Variants in SOX6 observed in about 807,000 individuals in gnomAD.
SOX6 encodes the protein transcription factor SOX-6.
In SOX6, 11 loss-of-function variants were observed where a neutral mutation model predicts 97.8. The ratio of observed to expected loss-of-function variants is 0.11; its 90% CI spans 0.07 to 0.19. The LOEUF (loss-of-function observed/expected upper bound fraction) is 0.19, where lower values mean the gene tolerates loss of function less well. Ranked by LOEUF, SOX6 falls within the 10% of genes least tolerant of loss-of-function variation. The pLI is 1.00. For missense variants in SOX6, 810 were observed against 1,039.5 expected (o/e 0.78, Z 3.04); for synonymous variants, 360 against 371.4 (o/e 0.97, Z 0.35).
At chr11:16,220,887 T>C (rs761422980) in intron 4 of SOX6, among the ~76,000 whole-genome samples, 6 of 152,074 alleles carry the variant, frequency 3.9e-5, no homozygotes, top group Non-Finnish European at 7.4e-5. Context: ...TCATGTTTAT[T>C]ATGTCACAGG....
At chr11:16,278,567 T>G (rs186349112) in intron 3 of SOX6, among the ~76,000 whole-genome samples, 2 of 152,118 alleles carry the variant, frequency 1.3e-5, no homozygotes, top group Admixed American at 6.6e-5. Context: ...ACTATTTCTC[T>G]TCCAAGTGAA....
rs1227800262 is a variant in SOX6, at chr11:16,111,903, C to T, written c.798G>A (p.Pro266=). ...QQIQVQGHMP[P]LMIPIFPHDQ... ...CATGTGGAAAAATTGGGATCATGAG[C>T]GGAGGCATGTGACCCTGAACCTGCT... is the stretch of plus-strand genomic sequence containing the variant. The change falls in exon 7 of 16, where the codon CCG becomes CCA. Residue 266 remains proline, a synonymous_variant. Transcript: ENST00000683767. 1.2e-6 allele frequency: 2 copies of T among 1,612,268 alleles called. No homozygotes were observed. The highest frequency in any genetic ancestry group is 2.2e-5 in the South Asian group (2 of 90,994).
chr11:16,132,444 A>AGAAAAAG (rs1554934020), intron 6 of SOX6, among the ~76,000 whole-genome samples: 3 of 27,242 alleles, frequency 1.1e-4, no homozygotes, highest in African/African-American at 5.1e-4. Flanking sequence ...AAAGAAAGAA[A>AGAAAAAG]AAAGAAAGAA....
intron 4 of SOX6, among the ~76,000 whole-genome samples, chr11:16,519,965 T>C (rs1402443008): frequency 6.6e-6 from 1 of 152,236 alleles, no homozygotes; most frequent in East Asian, 1.9e-4. Context: ...TTGAGCATTT[T>C]TTCATGTATT....
chr11:16,537,616 T>C (rs192958552), intron 4 of SOX6, among the ~76,000 whole-genome samples: 79 of 152,252 alleles, frequency 5.2e-4, no homozygotes, highest in Non-Finnish European at 6.5e-4. Flanking sequence ...ATAAACAGTG[T>C]AGAGAAGACT....
intron 3 of SOX6, chr11:16,270,184 A>G (rs1472830098): frequency 1.7e-4 from 26 of 151,452 alleles, no homozygotes; most frequent in Admixed American, 1.7e-3. Flanking sequence ...AAAGGACTTG[A>G]ACAGGCATTT....
chr11:16,133,852 C>T (rs538565492), intron 6 of SOX6, among the ~76,000 whole-genome samples: 356 of 152,204 alleles, frequency 2.3e-3, no homozygotes, highest in Non-Finnish European at 4.0e-3. Flanking sequence ...CCATGCCCAG[C>T]TAATTTTTGC....
At chr11:16,401,670 C>G (rs1407040409) in intron 1 of SOX6, among the ~76,000 whole-genome samples, 2 of 151,400 alleles carry the variant, frequency 1.3e-5, no homozygotes, top group Non-Finnish European at 3.0e-5. Context: ...AGTCATTAAG[C>G]TCTAAAGTTT....
At chr11:16,121,603 G>C (rs980380196) in intron 6 of SOX6, among the ~76,000 whole-genome samples, 13 of 151,868 alleles carry the variant, frequency 8.6e-5, no homozygotes, top group Non-Finnish European at 1.8e-4. Flanking sequence ...AGAAAGTTTT[G>C]CTTAAAAAGA....
At chr11:16,248,528 T>G (rs1384943291) in intron 3 of SOX6, among the ~76,000 whole-genome samples, 1 of 152,204 alleles carries the variant, frequency 6.6e-6, no homozygotes, top group African/African-American at 2.4e-5. Context: ...CTGTGCACCC[T>G]CAGATCCTAC....
chr11:16,079,281 G>C (rs552971956), intron 9 of SOX6, among the ~76,000 whole-genome samples: 1 of 152,122 alleles, frequency 6.6e-6, no homozygotes, highest in East Asian at 1.9e-4. Context: ...GTAATGACAA[G>C]AAAAAGGTCT....
chr11:16,235,474 T>G (rs1370464), intron 3 of SOX6, among the ~76,000 whole-genome samples: 27 of 151,944 alleles, frequency 1.8e-4, no homozygotes, highest in Non-Finnish European at 2.8e-4. Context: ...TTGCAACTGG[T>G]GCTACTGCTT....
intron 6 of SOX6, among the ~76,000 whole-genome samples, chr11:16,165,395 G>T (rs1589988810): frequency 6.6e-6 from 1 of 152,164 alleles, no homozygotes; most frequent in African/African-American, 2.4e-5. Context: ...AATGTTTAAA[G>T]AATTGAACTA....
chr11:16,126,327 T>C (rs1197411737), intron 6 of SOX6, among the ~76,000 whole-genome samples: 1 of 152,138 alleles, frequency 6.6e-6, no homozygotes, highest in African/African-American at 2.4e-5. Flanking sequence ...CCAGTTTTGA[T>C]TCTCTTTGAT....
intron 4 of SOX6, among the ~76,000 whole-genome samples, chr11:16,503,345 A>G (rs903017555): frequency 5.3e-5 from 8 of 152,182 alleles, no homozygotes; most frequent in Non-Finnish European, 5.9e-5. Flanking sequence ...GAAAATTACC[A>G]AACCACAATG....
intron 1 of SOX6, among the ~76,000 whole-genome samples, chr11:16,471,240 G>C (rs1324502569): frequency 6.6e-6 from 1 of 151,396 alleles, no homozygotes; most frequent in African/African-American, 2.4e-5. Flanking sequence ...TTTAGGAAAA[G>C]AAAAAAAGGA....
intron 1 of SOX6, among the ~76,000 whole-genome samples, chr11:16,372,890 C>A (rs1388384819): frequency 2.0e-5 from 3 of 152,022 alleles, no homozygotes; most frequent in Non-Finnish European, 2.9e-5. Context: ...TGAATCCCTG[C>A]CCATCACTAG....
At chr11:16,381,401 A>G (rs1857816529) in intron 1 of SOX6, among the ~76,000 whole-genome samples, 1 of 152,054 alleles carries the variant, frequency 6.6e-6, no homozygotes, top group Admixed American at 6.6e-5. Context: ...CAAATTCTTT[A>G]TCAAAATAAA....
intron 7 of SOX6, among the ~76,000 whole-genome samples, chr11:16,109,241 C>T (rs1183512419): frequency 6.6e-6 from 1 of 152,006 alleles, no homozygotes; most frequent in African/African-American, 2.4e-5. Context: ...CACTCTGCTG[C>T]TAAGACTGGA....
Sources: allele counts gnomAD v4.1 joint callset (sites outside exome capture counted in the v4.1 genomes callset), GRCh38; gene constraint gnomAD v4.1.1; transcripts MANE v1.5; gene names NCBI Gene and HGNC (gene_info 2026-07-23, HGNC 2026-07-21).